DAPK1: variants seen among roughly 807,000 people sequenced by gnomAD.
DAPK1 encodes death associated protein kinase 1, also known as death-associated protein kinase 1.
A neutral mutation model predicts 144.9 loss-of-function variants in DAPK1; 56 were observed. The ratio of observed to expected loss-of-function variants is 0.39; its 90% confidence interval spans 0.31 to 0.48. The LOEUF is 0.48. DAPK1 is among the 20% of genes least tolerant of loss of function. The pLI is 0.95. For missense variants in DAPK1, 1,454 were observed against 1,875.4 expected (o/e 0.78, Z 4.15); for synonymous variants, 690 against 749.0 (o/e 0.92, Z 1.29).
intron 2 of DAPK1, among the ~76,000 whole-genome samples, chr9:87,591,600 A>T (rs918816682): frequency 6.6e-6 from 1 of 152,196 alleles, no homozygotes; most frequent in African/African-American, 2.4e-5. Flanking sequence ...CCTATATACC[A>T]GGGTGATTAA....
At chr9:87,554,090 C>T (rs1417630360) in intron 2 of DAPK1, 2 of 152,216 alleles carry the variant, frequency 1.3e-5, no homozygotes, top group Non-Finnish European at 2.9e-5. Context: ...TGCATAAGCC[C>T]ACAGCCTTAG....
chr9:87,632,565 T>C, intron 3 of DAPK1: 2 of 969,656 alleles, frequency 2.1e-6, no homozygotes, highest in Non-Finnish European at 2.4e-6. Context: ...TGAAGGAGGA[T>C]GAGTATACAT....
At chr9:87,643,311 C>G in intron 10 of DAPK1, 65 bp from the exon 11 acceptor site, 2 of 932,922 alleles carry the variant, frequency 2.1e-6, no homozygotes, top group Non-Finnish European at 3.2e-6. Flanking sequence ...AGCTGTCTCT[C>G]CTCCTCTCAC....
intron 3 of DAPK1, among the ~76,000 whole-genome samples, chr9:87,628,958 T>G (rs1286213323): frequency 1.3e-5 from 2 of 152,208 alleles, no homozygotes; most frequent in South Asian, 2.1e-4. Flanking sequence ...CTGAATTGCT[T>G]TAGCCAACCT....
chr9:87,695,269 G>A (rs1439541373), intron 21 of DAPK1, among the ~76,000 whole-genome samples: 3 of 152,214 alleles, frequency 2.0e-5, no homozygotes, highest in African/African-American at 7.2e-5. Flanking sequence ...TTCACTACAA[G>A]TCTGAGAAAA....
chr9:87,598,659 C>T, intron 2 of DAPK1, among the ~76,000 whole-genome samples: 1 of 152,184 alleles, frequency 6.6e-6, no homozygotes, highest in African/African-American at 2.4e-5. Context: ...AATGTTGCGT[C>T]TTCTCTGACA....
At chr9:87,568,619 C>A (rs1430285131) in intron 2 of DAPK1, among the ~76,000 whole-genome samples, 1 of 152,178 alleles carries the variant, frequency 6.6e-6, no homozygotes, top group Non-Finnish European at 1.5e-5. Flanking sequence ...CACCTTGCAG[C>A]CTGACCGTGC....
chr9:87,524,684 T>C (rs1825420133), intron 2 of DAPK1, among the ~76,000 whole-genome samples: 1 of 152,176 alleles, frequency 6.6e-6, no homozygotes, highest in Non-Finnish European at 1.5e-5. Context: ...CTATGGTATA[T>C]ATACATGATA....
chr9:87,562,919 G>C (rs1315231125), intron 2 of DAPK1, among the ~76,000 whole-genome samples: 1 of 152,196 alleles, frequency 6.6e-6, no homozygotes, highest in African/African-American at 2.4e-5. Flanking sequence ...GACTTGCTCA[G>C]CTTTTTTATA....
At chr9:87,635,682 A>G (rs1229858756) in intron 3 of DAPK1, among the ~76,000 whole-genome samples, 2 of 152,178 alleles carry the variant, frequency 1.3e-5, no homozygotes, top group Admixed American at 6.5e-5. Context: ...CAGCCTTGCC[A>G]GTTACACATG....
intron 2 of DAPK1, chr9:87,525,208 C>A: frequency 1.2e-6 from 1 of 854,238 alleles, no homozygotes; most frequent in Admixed American, 1.9e-5. Flanking sequence ...GAACTTTCTG[C>A]GTCTGTTTTT....
In DAPK1 at chr9:87,605,063, C is replaced by A. The variant is rs753510016; in HGVS notation, c.172C>A (p.Arg58Ser). ...RTKSSRRGVS[R>S]EDIEREVSIL... ...TAAGTCCAGCCGGCGGGGTGTGAGC[C>A]GCGAGGACATCGAGCGGGAGGTCAG... The change falls in exon 3 of 26, where the codon CGC becomes AGC. Residue 58 changes from arginine to serine, a missense_variant. Arg to Ser is a moderately radical substitution (Grantham distance 110). Around this residue, in one of 2 missense-constraint regions of DAPK1, gnomAD observed 429 missense variants for 637.5 expected, o/e 0.67. Transcript: ENST00000408954. 3 of 1,614,194 alleles carry A rather than the reference C, an allele frequency of 1.9e-6. No individual in the cohort carries two copies. The highest frequency in any genetic ancestry group is 4.5e-5 in the East Asian group (2 of 44,874).
At chr9:87,612,737 C>T (rs530828471) in intron 3 of DAPK1, among the ~76,000 whole-genome samples, 174 of 152,220 alleles carry the variant, frequency 1.1e-3, no homozygotes, top group African/African-American at 3.7e-3. Context: ...TGCAAAATGA[C>T]GCAATACATA....
intron 2 of DAPK1, among the ~76,000 whole-genome samples, chr9:87,536,507 G>T (rs1317380686): frequency 1.3e-5 from 2 of 152,000 alleles, no homozygotes; most frequent in African/African-American, 4.8e-5. Flanking sequence ...AAATCTGCAA[G>T]TCATGTGGGA....
intron 3 of DAPK1, among the ~76,000 whole-genome samples, chr9:87,622,094 C>A (rs1471418012): frequency 6.6e-6 from 1 of 151,516 alleles, no homozygotes; most frequent in Non-Finnish European, 1.5e-5. Flanking sequence ...TGGCCTCTAC[C>A]ATTTTCATTT....
At chr9:87,612,384 G>T (rs1286561712) in intron 3 of DAPK1, among the ~76,000 whole-genome samples, 1 of 152,214 alleles carries the variant, frequency 6.6e-6, no homozygotes, top group Non-Finnish European at 1.5e-5. Flanking sequence ...TGTGGAGACA[G>T]AGGAATGGAG....
At chr9:87,582,602 T>C (rs1827790614) in intron 2 of DAPK1, among the ~76,000 whole-genome samples, 1 of 150,164 alleles carries the variant, frequency 6.7e-6, no homozygotes, top group Non-Finnish European at 1.5e-5. Flanking sequence ...TTTCCCAGGC[T>C]GTAGTGCACT....
At chr9:87,625,165 C>T (rs1057158036) in intron 3 of DAPK1, among the ~76,000 whole-genome samples, 2 of 144,338 alleles carry the variant, frequency 1.4e-5, no homozygotes, top group Admixed American at 1.4e-4. Flanking sequence ...GTTTGTTAAT[C>T]GCTGTCCCAG....
At chr9:87,676,603 C>G (rs572411356) in intron 19 of DAPK1, among the ~76,000 whole-genome samples, 69 of 152,350 alleles carry the variant, frequency 4.5e-4, no homozygotes, top group African/African-American at 1.6e-3. Flanking sequence ...ATGGTGAATT[C>G]TGTAAGTCTA....
Sources: allele counts gnomAD v4.1 joint callset (sites outside exome capture counted in the v4.1 genomes callset), GRCh38; gene constraint gnomAD v4.1.1; regional missense constraint gnomAD v4.1.1; transcripts MANE v1.5; gene names NCBI Gene and HGNC (gene_info 2026-07-23, HGNC 2026-07-21).